MPPED2: variants seen among roughly 807,000 people sequenced by gnomAD.
MPPED2 encodes metallophosphoesterase MPPED2.
A neutral mutation model predicts 33.0 loss-of-function variants in MPPED2; 5 were observed. That is an observed-to-expected ratio of 0.15 (90% CI 0.08 to 0.32). The LOEUF (loss-of-function observed/expected upper bound fraction) is 0.32, where lower values mean the gene tolerates loss of function less well. MPPED2 is among the 10% of genes least tolerant of loss of function. The pLI is 1.00. For synonymous variants in MPPED2, 136 were observed against 141.9 expected, an observed-to-expected ratio of 0.96 and a Z score of 0.29; for missense variants, 275 against 372.1, an observed-to-expected ratio of 0.74 and a Z score of 2.15.
At chr11:30,422,477 A>G (rs1171773815) in intron 4 of MPPED2, among the ~76,000 whole-genome samples, 1 of 152,196 alleles carries the variant, frequency 6.6e-6, no homozygotes, top group Admixed American at 6.5e-5. Flanking sequence ...ATCTACACAG[A>G]GCAGAACACT....
At chr11:30,516,737 A>G (rs1298387742) in intron 3 of MPPED2, among the ~76,000 whole-genome samples, 1 of 152,204 alleles carries the variant, frequency 6.6e-6, no homozygotes, top group Non-Finnish European at 1.5e-5. Flanking sequence ...TTTGAGAACC[A>G]AGTCCTGTGT....
chr11:30,462,734 A>G (rs1340942370), intron 4 of MPPED2, among the ~76,000 whole-genome samples: 2 of 152,224 alleles, frequency 1.3e-5, no homozygotes, highest in African/African-American at 4.8e-5. Flanking sequence ...TCGATTAAAT[A>G]AAAAGCCACT....
intron 4 of MPPED2, among the ~76,000 whole-genome samples, chr11:30,436,603 T>C (rs1319884575): frequency 6.6e-6 from 1 of 152,244 alleles, no homozygotes; most frequent in East Asian, 1.9e-4. Flanking sequence ...AAAAAGACTT[T>C]GAACAGCCTG....
chr11:30,486,640 A>T (rs758394841), intron 4 of MPPED2, among the ~76,000 whole-genome samples: 1 of 152,194 alleles, frequency 6.6e-6, no homozygotes, highest in Non-Finnish European at 1.5e-5. Flanking sequence ...TTGCTGGTGG[A>T]GGCTTTCTTT....
intron 6 of MPPED2, 34 bp downstream of exon 6, chr11:30,414,194 C>T (rs950277236): frequency 2.0e-6 from 3 of 1,493,186 alleles, no homozygotes; most frequent in East Asian, 2.3e-5. Context: ...GACAGGGGCA[C>T]AAAATGTTTT....
intron 4 of MPPED2, among the ~76,000 whole-genome samples, chr11:30,457,361 C>G (rs1327390785): frequency 2.8e-5 from 4 of 141,394 alleles, no homozygotes; most frequent in African/African-American, 1.1e-4. Context: ...ATGAGTCTGG[C>G]ATTTTGACTT....
At chr11:30,466,359 G>A (rs1239005690) in intron 4 of MPPED2, among the ~76,000 whole-genome samples, 1 of 152,312 alleles carries the variant, frequency 6.6e-6, no homozygotes, top group Admixed American at 6.5e-5. Flanking sequence ...AAAAGTGTTA[G>A]AAGAGGAATG....
At chr11:30,578,234 A>T (rs976428676) in intron 2 of MPPED2, among the ~76,000 whole-genome samples, 2 of 152,182 alleles carry the variant, frequency 1.3e-5, no homozygotes, top group Non-Finnish European at 2.9e-5. Context: ...TGGCACCAAG[A>T]TGGAAGGTGC....
At chr11:30,428,478 G>T (rs1948940443) in intron 4 of MPPED2, among the ~76,000 whole-genome samples, 1 of 152,152 alleles carries the variant, frequency 6.6e-6, no homozygotes, top group Admixed American at 6.5e-5. Context: ...GTTTGAAGAT[G>T]CAGTGAGCTC....
intron 2 of MPPED2, among the ~76,000 whole-genome samples, chr11:30,566,442 T>G (rs1412404393): frequency 6.6e-6 from 1 of 152,156 alleles, no homozygotes; most frequent in Non-Finnish European, 1.5e-5. Flanking sequence ...ATAGCATTAG[T>G]GTACGAGTAT....
chr11:30,494,168 G>A (rs190775360), intron 4 of MPPED2, among the ~76,000 whole-genome samples: 4 of 152,160 alleles, frequency 2.6e-5, no homozygotes, highest in Non-Finnish European at 5.9e-5. Flanking sequence ...CTACAGAGAC[G>A]GTAATTCTGA....
At chr11:30,496,674 A>G (rs989413431) in intron 3 of MPPED2, among the ~76,000 whole-genome samples, 1 of 125,688 alleles carries the variant, frequency 8.0e-6, no homozygotes, top group South Asian at 3.2e-4. Context: ...CAATGATTTC[A>G]TTAAGGAAAC....
chr11:30,502,142 G>A (rs2134248928), intron 3 of MPPED2, among the ~76,000 whole-genome samples: 1 of 152,254 alleles, frequency 6.6e-6, no homozygotes, highest in Middle Eastern at 3.4e-3. Context: ...GTGCCAGAGA[G>A]GTGCTGCCAC....
At chr11:30,494,377 A>T (rs2134200624) in intron 4 of MPPED2, among the ~76,000 whole-genome samples, 1 of 152,250 alleles carries the variant, frequency 6.6e-6, no homozygotes, top group East Asian at 1.9e-4. Flanking sequence ...TAACATAAAC[A>T]TATACAGCCA....
chr11:30,411,896 A>G (rs1028013092), intron 6 of MPPED2, among the ~76,000 whole-genome samples: 2 of 152,008 alleles, frequency 1.3e-5, no homozygotes, highest in Admixed American at 1.3e-4. Flanking sequence ...TCCTTTTAAA[A>G]TAGGATTTTC....
chr11:30,435,195 A>G (rs1037124570), intron 4 of MPPED2, among the ~76,000 whole-genome samples: 2 of 152,234 alleles, frequency 1.3e-5, no homozygotes, highest in Non-Finnish European at 2.9e-5. Flanking sequence ...GCGAGGGACC[A>G]GAATTCTGTT....
chr11:30,399,657 A>C (rs946446193), intron 6 of MPPED2, among the ~76,000 whole-genome samples: 16 of 152,240 alleles, frequency 1.1e-4, no homozygotes, highest in African/African-American at 3.6e-4. Flanking sequence ...CTTTGTAGCA[A>C]AGACCTCATT....
chr11:30,545,419 A>G (rs1018858133), intron 2 of MPPED2, among the ~76,000 whole-genome samples: 61 of 152,302 alleles, frequency 4.0e-4, no homozygotes, highest in Admixed American at 1.2e-3. Context: ...TGTAAGGGAG[A>G]AGTAGAGAAG....
chr11:30,460,440 G>C (rs567880404), intron 4 of MPPED2, among the ~76,000 whole-genome samples: 2 of 152,116 alleles, frequency 1.3e-5, no homozygotes, highest in Non-Finnish European at 2.9e-5. Context: ...GGGCAAGAGA[G>C]TGAGATTCCT....
Sources: gnomAD v4.1 joint callset for allele counts (sites outside exome capture counted in the v4.1 genomes callset) on GRCh38, gnomAD v4.1.1 for gene constraint, MANE v1.5 for transcripts, NCBI Gene and HGNC (gene_info 2026-07-23, HGNC 2026-07-21) for gene names.